BABAM1: variants seen among roughly 807,000 people sequenced by gnomAD.
BABAM1 encodes BRISC and BRCA1-A complex member 1.
BABAM1 carries 14 observed loss-of-function variants against 34.4 expected under a neutral mutation model. The observed-to-expected ratio is 0.41, with a 90% CI of 0.27 to 0.64. The LOEUF is 0.64. Among genes scored for constraint, BABAM1 ranks in the 30% least tolerant of loss-of-function variants. The pLI is 0.34. For synonymous variants in BABAM1, 169 were observed against 165.8 expected, an observed-to-expected ratio of 1.02 and a Z score of -0.15; for missense variants, 393 against 434.0, an observed-to-expected ratio of 0.91 and a Z score of 0.84.
intron 8 of BABAM1, 179 bp downstream of exon 8, chr19:17,277,088 G>C (rs2073918529): frequency 1.6e-6 from 1 of 613,986 alleles, no homozygotes; most frequent in Admixed American, 3.1e-5. Context: ...GACTGATGGG[G>C]TGGCAGCCAT....
At chr19:17,278,219 C>T (rs1174394085) in intron 8 of BABAM1, among the ~76,000 whole-genome samples, 1 of 152,022 alleles carries the variant, frequency 6.6e-6, no homozygotes, top group Non-Finnish European at 1.5e-5. Context: ...AAAAGTCCCT[C>T]CTCTTGAGAA....
In BABAM1 at chr19:17,268,876, C is replaced by G. The variant is rs371905545; in HGVS notation, c.70C>G (p.Arg24Gly). The G allele has an allele frequency of 6.2e-7, 1 of 1,600,674 alleles. No individual in the cohort carries two copies. The highest frequency in any genetic ancestry group is 8.5e-7 in the Non-Finnish European group (1 of 1,174,276). Residue 24 changes from arginine to glycine, a missense_variant, in exon 2 of 9, where the codon CGG becomes GGG. Transcript: ENST00000598188. ...EEEEEHSAEP[R>G]PRTRSNPEGA... ...GGAAGAGGAGCACTCGGCAGAGCCTCGGCCCCGCACTCGCTCCAATCCTGA... is the reference window on the plus strand; with the variant it reads ...GGAAGAGGAGCACTCGGCAGAGCCTGGGCCCCGCACTCGCTCCAATCCTGA...
At chr19:17,270,893 T>C (rs1205848538) in intron 2 of BABAM1, among the ~76,000 whole-genome samples, 1 of 151,814 alleles carries the variant, frequency 6.6e-6, no homozygotes, top group African/African-American at 2.4e-5. Context: ...GGTTTCACCC[T>C]GTTAGCCAGG....
intron 2 of BABAM1, 123 bp downstream of exon 2, chr19:17,269,214 G>A (rs1260428604): frequency 1.1e-5 from 13 of 1,229,576 alleles, no homozygotes; most frequent in African/African-American, 1.5e-5. Context: ...AGTCACCGTG[G>A]ACTTGGTAGC....
At chr19:17,271,493 C>T (rs2073840354) in intron 2 of BABAM1, 104 bp from the exon 3 acceptor site, 3 of 1,303,478 alleles carry the variant, frequency 2.3e-6, no homozygotes, top group Admixed American at 2.0e-5. Flanking sequence ...TTAGAGGTCA[C>T]CATACTGCCT....
intron 5 of BABAM1, chr19:17,274,493 G>C (rs148346472): frequency 2.8e-6 from 1 of 352,070 alleles, no homozygotes; most frequent in African/African-American, 2.1e-5. Context: ...ACTTGAGTCC[G>C]GGAGGCGGAG....
chr19:17,277,005 A>G (rs1261122181), intron 8 of BABAM1, 96 bp downstream of exon 8: 1 of 1,196,988 alleles, frequency 8.4e-7, no homozygotes, highest in African/African-American at 1.5e-5. Flanking sequence ...CCTCCATTTG[A>G]TACCCCTGGA....
intron 5 of BABAM1, chr19:17,274,451 C>A: frequency 2.1e-6 from 1 of 467,908 alleles, no homozygotes; most frequent in Non-Finnish European, 3.9e-6. Flanking sequence ...GCCTATAATC[C>A]CAGCGACTTG....
rs1261908729 is a variant in BABAM1 at position 17,269,015 on chromosome 19, C to G, written c.209C>G (p.Pro70Arg). 1 of 1,592,898 alleles carries G rather than the reference C, an allele frequency of 6.3e-7. No homozygotes were observed. The highest frequency in any genetic ancestry group is 1.7e-5 in the Admixed American group (1 of 57,150). Residue 70 changes from proline (P) to arginine (R), a missense_variant, in exon 2 of 9, where the codon CCT becomes CGT. Physicochemically the swap from Pro to Arg is moderately radical, Grantham distance 103. Transcript: ENST00000598188. The part of the protein sequence containing the change: ...DGSLNTSGAG[P>R]KSWQVPPPAP... ...AGCCTCAACACTTCAGGAGCCGGCC[C>G]TAAGTCCTGGCAGGTGCCCCCGCCA...
At chr19:17,270,224 C>T (rs1346760576) in intron 2 of BABAM1, among the ~76,000 whole-genome samples, 3 of 151,996 alleles carry the variant, frequency 2.0e-5, no homozygotes, top group Non-Finnish European at 2.9e-5. Context: ...AGCCACCGCA[C>T]CCAGCCACTG....
chr19:17,273,706 G>C (rs896334466), intron 3 of BABAM1, among the ~76,000 whole-genome samples, 198 bp from the exon 4 acceptor site: 1 of 151,728 alleles, frequency 6.6e-6, no homozygotes, highest in Non-Finnish European at 1.5e-5. Context: ...GGGATTACAG[G>C]CACTCGCCAC....
At chr19:17,271,706 C>T in intron 3 of BABAM1, 51 bp downstream of exon 3, 1 of 1,584,164 alleles carries the variant, frequency 6.3e-7, no homozygotes, top group African/African-American at 1.3e-5. Context: ...AGGGAGGGTC[C>T]AGCCCAAAAG....
chr19:17,273,561 TTTG>T (rs555327231), intron 3 of BABAM1, among the ~76,000 whole-genome samples: 37,830 of 74,398 alleles, frequency 0.51, 6,853 homozygotes, highest in Non-Finnish European at 0.59. Flanking sequence ...TTTTGTTTGT[TTTG>T]TTTTTTTTTT....
chr19:17,271,747 A>G (rs1273466145), intron 3 of BABAM1, 92 bp downstream of exon 3: 2 of 1,427,672 alleles, frequency 1.4e-6, no homozygotes, highest in Admixed American at 3.8e-5. Flanking sequence ...AACTCACACC[A>G]GCTTGGTCTG....
intron 6 of BABAM1, 101 bp downstream of exon 6, chr19:17,275,926 GCCT>G: frequency 7.4e-7 from 1 of 1,354,382 alleles, no homozygotes; most frequent in Non-Finnish European, 1.1e-6. Context: ...GAGCCTTAAA[GCCT>G]CCTCCCTTCC....
chr19:17,274,832 G>A (rs1370079776), intron 5 of BABAM1, among the ~76,000 whole-genome samples: 2 of 149,616 alleles, frequency 1.3e-5, no homozygotes, highest in Non-Finnish European at 3.0e-5. Context: ...AATAAATGGT[G>A]AGAGTTTTTT....
In BABAM1 at chr19:17,279,147, T is replaced by G; in HGVS notation, c.*99T>G. The stretch of plus-strand genomic sequence containing the variant: ...CCTTGGGACCTCCGGGGTGGGGGGG[T>G]TCCAGGAGGCACGTAGGGTACCTTG... On this transcript the variant is annotated 3_prime_UTR_variant, in exon 9 of 9. Transcript: ENST00000598188. 1.5e-6 allele frequency: 2 copies of G among 1,297,256 alleles called. No individual in the cohort carries two copies. Among genetic ancestry groups the G allele is most frequent in the Non-Finnish European group, 2.1e-6 (2 of 942,032 alleles). The allele number at this position is 1,297,256 out of a possible 1,614,324, so 80.4% of individuals were successfully genotyped here. A position where few individuals can be genotyped will look rare whatever the true frequency, so the allele number is the denominator to read the frequency against.
Position 17,269,083 on chromosome 19 carries a change from G to A in BABAM1, c.277G>A (p.Glu93Lys). The change falls in exon 2 of 9, where the codon GAG (glutamate) becomes AAG (lysine). Residue 93 changes from glutamate (E) to lysine (K), a missense_variant. Physicochemically the swap from Glu to Lys is moderately conservative, Grantham distance 56 (BLOSUM62 1). Coordinates refer to ENST00000598188, the MANE Select transcript of BABAM1 (RefSeq NM_014173.4). Reference protein sequence around the residue: ...QIRTPRVNCPEKVIICLDLSE... With the variant: ...QIRTPRVNCPKKVIICLDLSE... ...TCGGACACCAAGGGTCAACTGTCCA[G>A]AGAAAGTGGTAAGTAGAGGGGGTGG... is the stretch of plus-strand genomic sequence containing the variant. The A allele has an allele frequency of 1.9e-6, 3 of 1,605,132 alleles. No individual in the cohort carries two copies. Among genetic ancestry groups the A allele is most frequent in the Non-Finnish European group, 2.6e-6 (3 of 1,175,716 alleles).
At chr19:17,272,240 A>C (rs992810944) in intron 3 of BABAM1, among the ~76,000 whole-genome samples, 1 of 151,402 alleles carries the variant, frequency 6.6e-6, no homozygotes, top group Non-Finnish European at 1.5e-5. Flanking sequence ...CCAGCCTCTA[A>C]ATGTATTTTT....
Sources: gnomAD v4.1 joint callset for allele counts (sites outside exome capture counted in the v4.1 genomes callset) on GRCh38, gnomAD v4.1.1 for gene constraint, MANE v1.5 for transcripts, NCBI Gene and HGNC (gene_info 2026-07-23, HGNC 2026-07-21) for gene names.